DNAH5: variants seen among roughly 807,000 people sequenced by gnomAD.
DNAH5 encodes the protein dynein axonemal heavy chain 5.
In DNAH5, 372 loss-of-function variants were observed where a neutral mutation model predicts 518.2. The ratio of observed to expected loss-of-function variants is 0.72; its 90% CI spans 0.66 to 0.78. DNAH5 has a LOEUF of 0.78. Ranked by LOEUF, DNAH5 falls within the 30% of genes least tolerant of loss-of-function variation. DNAH5 has a pLI of 0.00. For synonymous variants in DNAH5, 2,039 were observed against 2,025.9 expected (o/e 1.01, Z -0.17); for missense variants, 5,523 against 5,687.0 (o/e 0.97, Z 0.93).
At chr5:13,795,988 A>G (rs554351276) in intron 47 of DNAH5, among the ~76,000 whole-genome samples, 1 of 152,360 alleles carries the variant, frequency 6.6e-6, no homozygotes, top group East Asian at 1.9e-4. Flanking sequence ...GGCCTTCGAC[A>G]AAATTCAACA....
chr5:13,785,366 C>T (rs947062381), intron 52 of DNAH5, among the ~76,000 whole-genome samples: 4 of 152,110 alleles, frequency 2.6e-5, no homozygotes, highest in Admixed American at 6.5e-5. Flanking sequence ...TACTGGTCTG[C>T]GGCCCCGGGG....
chr5:13,894,538 TA>T (rs1317902776), intron 16 of DNAH5, 111 bp downstream of exon 16: 1 of 1,184,588 alleles, frequency 8.4e-7, no homozygotes, highest in Non-Finnish European at 1.2e-6. Context: ...AGCTTAAGAA[TA>T]ACACTCCCCA....
At chr5:13,823,177 G>A in intron 40 of DNAH5, 86 bp downstream of exon 40, 1 of 910,174 alleles carries the variant, frequency 1.1e-6, no homozygotes, top group Non-Finnish European at 1.9e-6. Context: ...AGAGTGCATA[G>A]GTTGGAGCCA....
chr5:13,911,264 C>T, intron 12 of DNAH5, 122 bp downstream of exon 12: 2 of 760,532 alleles, frequency 2.6e-6, no homozygotes, highest in Non-Finnish European at 4.6e-6. Context: ...GCTGAGGTTG[C>T]TATCGGTCAC....
At chr5:13,917,542 C>G (rs1038421802) in intron 7 of DNAH5, among the ~76,000 whole-genome samples, 2 of 152,180 alleles carry the variant, frequency 1.3e-5, no homozygotes, top group Non-Finnish European at 2.9e-5. Context: ...ACACGTTCTC[C>G]CCTGCACTGG....
At chr5:13,738,887 TAG>T (rs1164066207) in intron 65 of DNAH5, among the ~76,000 whole-genome samples, 1 of 152,192 alleles carries the variant, frequency 6.6e-6, no homozygotes, top group Non-Finnish European at 1.5e-5. Flanking sequence ...ACTTATGTAT[TAG>T]AGAGTTTATT....
At chr5:13,995,599 CT>C (rs1033124234) in intron 1 of DNAH5, among the ~76,000 whole-genome samples, 1 of 151,958 alleles carries the variant, frequency 6.6e-6, no homozygotes, top group Non-Finnish European at 1.5e-5. Context: ...CAAATTACAA[CT>C]TTTTTTAAAC....
At chr5:13,850,421 T>C (rs1766668453) in intron 31 of DNAH5, among the ~76,000 whole-genome samples, 1 of 152,218 alleles carries the variant, frequency 6.6e-6, no homozygotes, top group Admixed American at 6.5e-5. Flanking sequence ...TTATACAGTC[T>C]TATCCCAGTG....
rs187662675 is a variant in DNAH5, at chr5:13,803,920, A to T, written c.7887+3671T>A. ...TCCAGGTCTAGGAGTCTTATTTTTT[A>T]AAAAATAAAACCTATTGCTATGCAA... On this transcript the variant is annotated intron_variant, in intron 47 of 78. Coordinates refer to ENST00000265104, the MANE Select transcript of DNAH5 (RefSeq NM_001369.3). Among the ~76,000 whole-genome samples, 424 of 152,300 alleles carry T rather than the reference A, an allele frequency of 2.8e-3. 1 individual carries two copies. The highest frequency in any genetic ancestry group is 9.7e-3 in the African/African-American group (405 of 41,580).
chr5:13,957,627 G>A (rs916157651), intron 1 of DNAH5, among the ~76,000 whole-genome samples: 6 of 151,538 alleles, frequency 4.0e-5, no homozygotes, highest in African/African-American at 1.2e-4. Flanking sequence ...CATTGAAGAG[G>A]CAAAAACTTT....
chr5:13,785,121 G>A (rs1755784661), intron 52 of DNAH5, among the ~76,000 whole-genome samples: 1 of 152,066 alleles, frequency 6.6e-6, no homozygotes, highest in African/African-American at 2.4e-5. Context: ...GGTGCCCTGA[G>A]CTTGTCTTCC....
intron 55 of DNAH5, among the ~76,000 whole-genome samples, chr5:13,771,490 C>T (rs1213250863): frequency 6.6e-6 from 1 of 152,152 alleles, no homozygotes; most frequent in Non-Finnish European, 1.5e-5. Flanking sequence ...GGCAGCTGGT[C>T]ATTTGTGGTC....
intron 58 of DNAH5, among the ~76,000 whole-genome samples, chr5:13,768,755 T>A (rs72732622): frequency 1.3e-5 from 2 of 152,066 alleles, no homozygotes; most frequent in Non-Finnish European, 2.9e-5. Context: ...CATTGATGAG[T>A]GAAGAGTGTG....
At chr5:13,832,119 G>A (rs984518921) in intron 35 of DNAH5, among the ~76,000 whole-genome samples, 11 of 151,738 alleles carry the variant, frequency 7.2e-5, no homozygotes, top group South Asian at 4.2e-4. Context: ...TAACAAACCC[G>A]CACATGTACC....
chr5:13,766,767 T>C (rs1303337679), intron 58 of DNAH5, among the ~76,000 whole-genome samples: 2 of 152,236 alleles, frequency 1.3e-5, no homozygotes, highest in East Asian at 3.8e-4. Context: ...ATTTCTAGTA[T>C]GTATACACTT....
At chr5:13,900,451 C>A in intron 14 of DNAH5, 39 bp from the exon 15 acceptor site, 3 of 1,515,626 alleles carry the variant, frequency 2.0e-6, no homozygotes, top group South Asian at 2.3e-5. Context: ...TCAGAAAGTT[C>A]AATTCATGCA....
chr5:13,723,607 C>G (rs1345195685), intron 70 of DNAH5, among the ~76,000 whole-genome samples: 1 of 152,190 alleles, frequency 6.6e-6, no homozygotes, highest in African/African-American at 2.4e-5. Context: ...AACTATTCAA[C>G]TCCGCCATTG....
chr5:13,712,720 A>C (rs541192326), intron 75 of DNAH5, among the ~76,000 whole-genome samples: 84 of 152,338 alleles, frequency 5.5e-4, no homozygotes, highest in African/African-American at 1.5e-3. Flanking sequence ...ATATGAAAAA[A>C]ATGCTCAACA....
chr5:13,951,208 GTTTTTTTTTT>G (rs869082404), intron 1 of DNAH5, among the ~76,000 whole-genome samples: 1 of 66,600 alleles, frequency 1.5e-5, no homozygotes, highest in African/African-American at 6.5e-5. Context: ...TGTTTTTTTC[GTTTTTTTTTT>G]TTTTTTTTTT....
Sources: gnomAD v4.1 joint callset for allele counts (sites outside exome capture counted in the v4.1 genomes callset) on GRCh38, gnomAD v4.1.1 for gene constraint, MANE v1.5 for transcripts, NCBI Gene and HGNC (gene_info 2026-07-23, HGNC 2026-07-21) for gene names.